Variants in ARHGAP26 observed in about 807,000 individuals in gnomAD.
The protein encoded by ARHGAP26 is rho GTPase-activating protein 26.
Under a neutral mutation model 104.8 loss-of-function variants are expected in ARHGAP26, and 38 were observed. That is an observed-to-expected ratio of 0.36 (90% CI 0.28 to 0.48). ARHGAP26 has a LOEUF of 0.48. Among genes scored for constraint, ARHGAP26 ranks in the 20% least tolerant of loss-of-function variants. The pLI is 0.99. For missense variants in ARHGAP26, 704 were observed against 947.9 expected (o/e 0.74, Z 3.38); for synonymous variants, 341 against 340.0 (o/e 1.00, Z -0.03).
intron 11 of ARHGAP26, among the ~76,000 whole-genome samples, chr5:142,991,191 G>A (rs12517748): frequency 0.68 from 104,029 of 152,082 alleles, 36,898 homozygotes; most frequent in Non-Finnish European, 0.78. Context: ...CCTTGCTGCC[G>A]CCTTGCAGTT....
At position 143,127,871 on chromosome 5, in the gene ARHGAP26, G is replaced by A. The variant is rs937814921; in HGVS notation, c.1699-6096G>A. Among the ~76,000 whole-genome samples, 5 of 152,324 alleles carry A rather than the reference G, an allele frequency of 3.3e-5. No individual in the cohort carries two copies. The South Asian group carries it at 6.2e-4, about 19-fold the overall frequency. On this transcript the variant is annotated intron_variant, in intron 18 of 22. Coordinates refer to ENST00000645722, the MANE Select transcript of ARHGAP26 (RefSeq NM_001135608.3). The stretch of plus-strand genomic sequence containing the variant: ...TGTTGATATGCAAAATTAATAAAAA[G>A]GTATGACTGGATGCTTCACTATGTT...
Position 142,996,473 on chromosome 5 carries a change from A to G in ARHGAP26, c.1108-17607A>G, listed in dbSNP as rs141545063. On this transcript the variant is annotated intron_variant, in intron 11 of 22. Transcript: ENST00000645722. ...ACGCCACTGCACTCCAACCTGGGTGACAGAGCAAGACTCTGTCTTGAAAAT... is the reference window on the plus strand; with the variant it reads ...ACGCCACTGCACTCCAACCTGGGTGGCAGAGCAAGACTCTGTCTTGAAAAT... Among the ~76,000 whole-genome samples the G allele has an allele frequency of 6.7e-3, 1,023 of 152,310 alleles. 15 individuals carry two copies. The highest frequency in any genetic ancestry group is 0.022 in the African/African-American group (914 of 41,566).
At chr5:143,122,119 A>C (rs1365748478) in intron 18 of ARHGAP26, among the ~76,000 whole-genome samples, 2 of 152,146 alleles carry the variant, frequency 1.3e-5, no homozygotes, top group Admixed American at 1.3e-4. Flanking sequence ...AGCCACCAGA[A>C]TGAGATTTTT....
chr5:142,890,151 AATATATATATATATATATAT>A (rs752591382), intron 5 of ARHGAP26, among the ~76,000 whole-genome samples: 825 of 32,476 alleles, frequency 0.025, 41 homozygotes, highest in Middle Eastern at 0.056. Flanking sequence ...AAAAAAAAAA[AATATATATATATATATATAT>A]ATATATATAT....
chr5:142,828,262 G>A (rs1374602482), intron 1 of ARHGAP26, among the ~76,000 whole-genome samples: 1 of 152,182 alleles, frequency 6.6e-6, no homozygotes, highest in African/African-American at 2.4e-5. Context: ...CTTTCTTATG[G>A]AAAAGATTTT....
At chr5:142,971,545 G>A (rs776686219) in intron 11 of ARHGAP26, among the ~76,000 whole-genome samples, 7 of 152,134 alleles carry the variant, frequency 4.6e-5, no homozygotes, top group Admixed American at 6.5e-5. Flanking sequence ...ATCTTTAAGC[G>A]AAGTCTTCTG....
At chr5:143,020,229 T>C (rs1780128176) in intron 12 of ARHGAP26, among the ~76,000 whole-genome samples, 4 of 152,160 alleles carry the variant, frequency 2.6e-5, no homozygotes, top group Non-Finnish European at 5.9e-5. Context: ...ATTATAGGCA[T>C]GAGCCACCAC....
intron 1 of ARHGAP26, among the ~76,000 whole-genome samples, chr5:142,814,575 A>G (rs1446689216): frequency 6.6e-6 from 1 of 152,214 alleles, no homozygotes; most frequent in Non-Finnish European, 1.5e-5. Flanking sequence ...AGTGGCTTAA[A>G]TCTTCAGTAC....
intron 17 of ARHGAP26, among the ~76,000 whole-genome samples, chr5:143,086,065 T>G (rs1790547532): frequency 6.6e-6 from 1 of 152,198 alleles, no homozygotes; most frequent in African/African-American, 2.4e-5. Context: ...TCAGGGTTCC[T>G]TATGGTATCT....
chr5:143,206,998 G>A (rs548722753), intron 20 of ARHGAP26, among the ~76,000 whole-genome samples, 200 bp from the exon 21 acceptor site: 1 of 152,306 alleles, frequency 6.6e-6, no homozygotes, highest in South Asian at 2.1e-4. Context: ...TTTATACTCC[G>A]AGGAATTACA....
intron 8 of ARHGAP26, among the ~76,000 whole-genome samples, chr5:142,906,482 CTCCTCTTTCT>C (rs1189788157): frequency 6.6e-6 from 1 of 152,218 alleles, no homozygotes; most frequent in Non-Finnish European, 1.5e-5. Context: ...AAGAGTCCTG[CTCCTCTTTCT>C]TCCTCCCTCT....
chr5:143,153,396 G>A (rs955612035), intron 20 of ARHGAP26, among the ~76,000 whole-genome samples: 1 of 152,182 alleles, frequency 6.6e-6, no homozygotes, highest in African/African-American at 2.4e-5. Context: ...AAGGATGAGG[G>A]TCGTTCAATG....
chr5:143,097,955 G>A (rs779259567), intron 17 of ARHGAP26, among the ~76,000 whole-genome samples: 5 of 152,042 alleles, frequency 3.3e-5, no homozygotes, highest in Non-Finnish European at 7.4e-5. Flanking sequence ...GTAAAAGTCT[G>A]GAGGTTTTTT....
intron 20 of ARHGAP26, chr5:143,193,866 T>C (rs1460144149): frequency 6.6e-6 from 1 of 152,188 alleles, no homozygotes; most frequent in Non-Finnish European, 1.5e-5. Flanking sequence ...TATATACATA[T>C]AAAAAACATA....
chr5:142,955,385 G>T (rs1447226370), intron 11 of ARHGAP26, among the ~76,000 whole-genome samples: 3 of 152,158 alleles, frequency 2.0e-5, no homozygotes, highest in Non-Finnish European at 4.4e-5. Context: ...TTTGAGAAAC[G>T]AGGAAATATG....
intron 4 of ARHGAP26, among the ~76,000 whole-genome samples, 191 bp downstream of exon 4, chr5:142,879,636 C>T (rs574079741): frequency 6.6e-6 from 1 of 152,380 alleles, no homozygotes; most frequent in East Asian, 1.9e-4. Context: ...GTACGACCAT[C>T]TGAGCCGTCA....
chr5:142,771,415 C>A, intron 1 of ARHGAP26: 1 of 1,231,772 alleles, frequency 8.1e-7, no homozygotes, highest in African/African-American at 1.5e-5. Flanking sequence ...GCAGCTCCAG[C>A]CTAGTCAGGC....
intron 11 of ARHGAP26, among the ~76,000 whole-genome samples, chr5:142,950,698 T>C (rs1197594739): frequency 1.3e-5 from 2 of 152,214 alleles, no homozygotes; most frequent in Admixed American, 6.5e-5. Context: ...TTTAAACTTA[T>C]CTTAGGCTGA....
At chr5:143,133,301 T>C (rs1002191277) in intron 18 of ARHGAP26, among the ~76,000 whole-genome samples, 1 of 152,180 alleles carries the variant, frequency 6.6e-6, no homozygotes, top group Non-Finnish European at 1.5e-5. Context: ...TAATTTTTTG[T>C]TTTCTTCTTG....
Sources: allele counts gnomAD v4.1 joint callset (sites outside exome capture counted in the v4.1 genomes callset), GRCh38; gene constraint gnomAD v4.1.1; transcripts MANE v1.5; gene names NCBI Gene and HGNC (gene_info 2026-07-23, HGNC 2026-07-21).